Variants in CADM2 observed in about 807,000 individuals in gnomAD.
CADM2 encodes the protein immunoglobulin superfamily member 4D.
In CADM2, 12 loss-of-function variants were observed where a neutral mutation model predicts 49.8. The observed-to-expected ratio is 0.24, with a 90% CI of 0.15 to 0.39. CADM2 has a LOEUF of 0.39. Ranked by LOEUF, CADM2 falls within the 10% of genes least tolerant of loss-of-function variation. The pLI is 1.00. For missense variants in CADM2, 378 were observed against 492.3 expected (o/e 0.77, Z 2.20); for synonymous variants, 214 against 175.4 (o/e 1.22, Z -1.74).
chr3:85,939,668 A>T (rs536950237), intron 7 of CADM2, among the ~76,000 whole-genome samples: 1 of 151,860 alleles, frequency 6.6e-6, no homozygotes, highest in African/African-American at 2.4e-5. Context: ...ATAAATATGT[A>T]TTTGGCATCT....
At chr3:85,087,946 T>C (rs2037446614) in intron 1 of CADM2, among the ~76,000 whole-genome samples, 1 of 152,148 alleles carries the variant, frequency 6.6e-6, no homozygotes, top group South Asian at 2.1e-4. Flanking sequence ...TTAATGCCTG[T>C]TTGGCTGCGG....
chr3:85,966,468 T>C (rs754365448), intron 8 of CADM2, among the ~76,000 whole-genome samples: 2 of 151,762 alleles, frequency 1.3e-5, no homozygotes, highest in Non-Finnish European at 2.9e-5. Context: ...ATTTTCTCCT[T>C]GTATGAATAA....
chr3:85,359,861 A>G (rs933298878), intron 1 of CADM2, among the ~76,000 whole-genome samples: 7 of 150,574 alleles, frequency 4.6e-5, no homozygotes, highest in African/African-American at 1.2e-4. Context: ...TTCTTTTAAA[A>G]TTAAACTAAA....
chr3:85,199,303 A>G (rs2041423479), intron 1 of CADM2, among the ~76,000 whole-genome samples: 1 of 149,802 alleles, frequency 6.7e-6, no homozygotes, highest in South Asian at 2.1e-4. Flanking sequence ...ATGGAGAAGG[A>G]GCAGAGAATG....
At chr3:85,419,416 C>T (rs1475016172) in intron 1 of CADM2, among the ~76,000 whole-genome samples, 1 of 151,602 alleles carries the variant, frequency 6.6e-6, no homozygotes, top group Non-Finnish European at 1.5e-5. Context: ...GGAGATCGCG[C>T]CACTGCACTC....
At chr3:85,799,071 T>G (rs750679686) in intron 2 of CADM2, among the ~76,000 whole-genome samples, 11 of 152,234 alleles carry the variant, frequency 7.2e-5, no homozygotes, top group Non-Finnish European at 2.9e-5. Context: ...GGCTCTCTGT[T>G]TGTCTGTTAT....
At chr3:85,950,282 G>C (rs1723280937) in intron 7 of CADM2, among the ~76,000 whole-genome samples, 1 of 151,156 alleles carries the variant, frequency 6.6e-6, no homozygotes. Flanking sequence ...GTATAGATTA[G>C]GCATGGGTAA....
chr3:86,025,365 G>GC (rs1733765417), intron 8 of CADM2, among the ~76,000 whole-genome samples: 1 of 151,914 alleles, frequency 6.6e-6, no homozygotes, highest in South Asian at 2.1e-4. Flanking sequence ...CCCATTATTT[G>GC]GCAAAATAGT....
intron 1 of CADM2, among the ~76,000 whole-genome samples, chr3:85,454,059 T>A (rs1559848181): frequency 6.6e-6 from 1 of 152,116 alleles, no homozygotes; most frequent in Non-Finnish European, 1.5e-5. Flanking sequence ...ATCTTTATTT[T>A]AAAAAATACA....
chr3:85,450,533 A>C (rs2037705505), intron 1 of CADM2, among the ~76,000 whole-genome samples: 1 of 152,072 alleles, frequency 6.6e-6, no homozygotes, highest in African/African-American at 2.4e-5. Context: ...TAAATGCAAT[A>C]AAAAGTACAA....
intron 1 of CADM2, among the ~76,000 whole-genome samples, chr3:85,065,374 C>G (rs573290528): frequency 1.8e-4 from 28 of 152,086 alleles, no homozygotes; most frequent in African/African-American, 3.6e-4. Flanking sequence ...TTAATTACCA[C>G]TTGATAATTT....
intron 8 of CADM2, among the ~76,000 whole-genome samples, chr3:85,975,703 C>G (rs60290818): frequency 0.066 from 9,992 of 151,480 alleles, 883 homozygotes; most frequent in African/African-American, 0.2. Flanking sequence ...ATTTTTATTT[C>G]AGGCAATTGC....
intron 1 of CADM2, among the ~76,000 whole-genome samples, chr3:85,447,707 A>G (rs1576573129): frequency 6.6e-6 from 1 of 152,214 alleles, no homozygotes; most frequent in Non-Finnish European, 1.5e-5. Context: ...TCAGCCATAC[A>G]TCACAAACTG....
intron 8 of CADM2, among the ~76,000 whole-genome samples, chr3:86,021,758 T>C (rs999130961): frequency 1.3e-5 from 2 of 152,186 alleles, no homozygotes; most frequent in Non-Finnish European, 2.9e-5. Context: ...CTCACTTCTA[T>C]GTGGAGTTTT....
chr3:85,670,703 T>G (rs1025517938), intron 1 of CADM2, among the ~76,000 whole-genome samples: 2 of 152,184 alleles, frequency 1.3e-5, no homozygotes, highest in Non-Finnish European at 2.9e-5. Flanking sequence ...TGAAGTTGTA[T>G]GGAAGGAAGT....
At chr3:85,881,628 T>A (rs556605819) in intron 3 of CADM2, among the ~76,000 whole-genome samples, 1 of 152,206 alleles carries the variant, frequency 6.6e-6, no homozygotes, top group Admixed American at 6.5e-5. Flanking sequence ...TTTGGACAGG[T>A]TGATTTGTCT....
At chr3:84,969,642 T>G (rs2107081566) in intron 1 of CADM2, among the ~76,000 whole-genome samples, 1 of 151,990 alleles carries the variant, frequency 6.6e-6, no homozygotes, top group South Asian at 2.1e-4. Flanking sequence ...AATACAGTAC[T>G]CCAAATAGAA....
chr3:85,106,434 C>A (rs930406538), intron 1 of CADM2, among the ~76,000 whole-genome samples: 1 of 152,050 alleles, frequency 6.6e-6, no homozygotes, highest in African/African-American at 2.4e-5. Flanking sequence ...TGTTAGTGAA[C>A]CATTCCAGAA....
At chr3:85,350,540 A>G (rs768910948) in intron 1 of CADM2, among the ~76,000 whole-genome samples, 1 of 152,152 alleles carries the variant, frequency 6.6e-6, no homozygotes, top group Non-Finnish European at 1.5e-5. Flanking sequence ...ATACTAATAT[A>G]TCATCACTTA....
Sources: gnomAD v4.1 joint callset for allele counts (sites outside exome capture counted in the v4.1 genomes callset) on GRCh38, gnomAD v4.1.1 for gene constraint, MANE v1.5 for transcripts, NCBI Gene and HGNC (gene_info 2026-07-23, HGNC 2026-07-21) for gene names.